The following TSPAN9 variants were observed in gnomAD, a reference collection of about 807,000 sequenced individuals.
The protein encoded by TSPAN9 is tetraspanin 9.
Under a neutral mutation model 31.0 loss-of-function variants are expected in TSPAN9, and 16 were observed. That is an observed-to-expected ratio of 0.52 (90% CI 0.35 to 0.78). TSPAN9 has a LOEUF of 0.78. Among genes scored for constraint, TSPAN9 ranks in the 30% least tolerant of loss-of-function variants. The pLI is 0.01. For synonymous variants in TSPAN9, 145 were observed against 121.6 expected (o/e 1.19, Z -1.27); for missense variants, 272 against 312.5 (o/e 0.87, Z 0.98).
intron 2 of TSPAN9, among the ~76,000 whole-genome samples, chr12:3,171,143 C>T (rs1022381476): frequency 6.6e-6 from 1 of 152,152 alleles, no homozygotes; most frequent in Non-Finnish European, 1.5e-5. Context: ...GACCTTCTGA[C>T]TTTTCTGTTT....
At chr12:3,191,218 GGGGTGGGCAAGCACCTGTACA>G (rs999495558) in intron 2 of TSPAN9, among the ~76,000 whole-genome samples, 8 of 152,210 alleles carry the variant, frequency 5.3e-5, no homozygotes, top group African/African-American at 1.7e-4. Context: ...TGAGAGGAGT[GGGGTGGGCAAGCACCTGTACA>G]GATTTTAAAC....
At chr12:3,249,690 G>T (rs538522060) in intron 3 of TSPAN9, among the ~76,000 whole-genome samples, 15 of 152,166 alleles carry the variant, frequency 9.9e-5, no homozygotes, top group Non-Finnish European at 2.1e-4. Context: ...CATATGTTTG[G>T]TTTCATCTCC....
At chr12:3,089,160 A>G (rs2098302508) in intron 2 of TSPAN9, among the ~76,000 whole-genome samples, 1 of 147,796 alleles carries the variant, frequency 6.8e-6, no homozygotes, top group African/African-American at 2.5e-5. Context: ...TGAACCTGGG[A>G]GGTGGAGCTT....
chr12:3,268,203 T>C (rs74054954), intron 3 of TSPAN9, among the ~76,000 whole-genome samples: 7,847 of 66,446 alleles, frequency 0.12, 41 homozygotes, highest in South Asian at 0.21. Flanking sequence ...GCCTGCCCTC[T>C]GTGCGTTCCT....
At chr12:3,175,114 G>A (rs1217087584) in intron 2 of TSPAN9, among the ~76,000 whole-genome samples, 1 of 129,342 alleles carries the variant, frequency 7.7e-6, no homozygotes, top group African/African-American at 2.5e-5. Context: ...CCTGCAGGGC[G>A]AGGCTGGGGG....
intron 2 of TSPAN9, among the ~76,000 whole-genome samples, chr12:3,111,653 G>T (rs1010196768): frequency 7.5e-6 from 1 of 133,526 alleles, no homozygotes; most frequent in Non-Finnish European, 1.5e-5. Context: ...TCACTCTGCC[G>T]CCCAGGCTGG....
chr12:3,203,393 G>C (rs542604707), intron 3 of TSPAN9, among the ~76,000 whole-genome samples: 2 of 152,240 alleles, frequency 1.3e-5, no homozygotes, highest in Non-Finnish European at 2.9e-5. Context: ...AGAGAAGTTA[G>C]ATCTCACACT....
intron 3 of TSPAN9, among the ~76,000 whole-genome samples, chr12:3,234,977 G>C (rs1250170750): frequency 1.3e-5 from 2 of 149,992 alleles, no homozygotes; most frequent in African/African-American, 4.9e-5. Flanking sequence ...TGGCTAACAC[G>C]GTGAAACCCC....
chr12:3,196,453 C>CT (rs1422413546), intron 2 of TSPAN9, among the ~76,000 whole-genome samples: 1 of 152,166 alleles, frequency 6.6e-6, no homozygotes, highest in Non-Finnish European at 1.5e-5. Flanking sequence ...CTTGTAGAGT[C>CT]TAAGAGAGTG....
chr12:3,264,231 C>T lies in TSPAN9; in HGVS notation c.64-14190C>T, dbSNP rs954687822. ...CTCCCCCTGTCTGAGAGGCCTGGGTCGAATGGGGCACAGGGGACCCGGGGA... is the reference window on the plus strand; with the variant it reads ...CTCCCCCTGTCTGAGAGGCCTGGGTTGAATGGGGCACAGGGGACCCGGGGA... On this transcript the variant is annotated intron_variant, in intron 3 of 8. Coordinates refer to ENST00000011898, the MANE Select transcript of TSPAN9 (RefSeq NM_006675.5). Among the ~76,000 whole-genome samples, 6 of 151,886 alleles carry T rather than the reference C, an allele frequency of 4.0e-5. No homozygotes were observed. In the East Asian group the frequency reaches 7.7e-4, roughly 20 times the overall value.
intron 2 of TSPAN9, among the ~76,000 whole-genome samples, chr12:3,113,944 C>T (rs2153965598): frequency 6.6e-6 from 1 of 152,318 alleles, no homozygotes; most frequent in Admixed American, 6.5e-5. Flanking sequence ...TAGGTTCTTC[C>T]CCTCCCAGCA....
chr12:3,226,619 C>T (rs187924063), intron 3 of TSPAN9, among the ~76,000 whole-genome samples: 1 of 145,118 alleles, frequency 6.9e-6, no homozygotes, highest in African/African-American at 2.6e-5. Context: ...GGCAACATAA[C>T]AAGACCCCAT....
chr12:3,100,754 G>A (rs2098311522), intron 2 of TSPAN9, among the ~76,000 whole-genome samples: 1 of 152,194 alleles, frequency 6.6e-6, no homozygotes, highest in Non-Finnish European at 1.5e-5. Flanking sequence ...GAACCCATAA[G>A]CAGCATGTTC....
chr12:3,157,813 C>T (rs770127487), intron 2 of TSPAN9, among the ~76,000 whole-genome samples: 4 of 152,150 alleles, frequency 2.6e-5, no homozygotes, highest in Middle Eastern at 3.2e-3. Context: ...CAGGCACCAC[C>T]GCTGTCCAGG....
chr12:3,155,350 C>T (rs1038983514), intron 2 of TSPAN9, among the ~76,000 whole-genome samples: 6 of 152,098 alleles, frequency 3.9e-5, no homozygotes, highest in Non-Finnish European at 5.9e-5. Flanking sequence ...CGGGCTGTTC[C>T]GGGAATGCTG....
intron 3 of TSPAN9, among the ~76,000 whole-genome samples, chr12:3,221,715 G>T (rs1271344352): frequency 6.6e-6 from 1 of 152,070 alleles, no homozygotes. Flanking sequence ...GAATCCAGTG[G>T]CATAATCACA....
intron 2 of TSPAN9, among the ~76,000 whole-genome samples, chr12:3,126,341 C>T (rs369267027): frequency 1.2e-4 from 19 of 152,302 alleles, no homozygotes; most frequent in African/African-American, 3.1e-4. Context: ...GTATGGCCTA[C>T]GGCACACCTA....
At chr12:3,080,689 G>C (rs2098297431) in intron 1 of TSPAN9, among the ~76,000 whole-genome samples, 1 of 152,196 alleles carries the variant, frequency 6.6e-6, no homozygotes, top group African/African-American at 2.4e-5. Context: ...CAGTTCAGTA[G>C]CATTAAGTCT....
At chr12:3,205,127 C>T (rs990980221) in intron 3 of TSPAN9, among the ~76,000 whole-genome samples, 11 of 145,458 alleles carry the variant, frequency 7.6e-5, no homozygotes, top group East Asian at 6.8e-4. Flanking sequence ...GGGGTGGGGG[C>T]GGGGCTGGGG....
Sources: allele counts gnomAD v4.1 joint callset (sites outside exome capture counted in the v4.1 genomes callset), GRCh38; gene constraint gnomAD v4.1.1; transcripts MANE v1.5; gene names NCBI Gene and HGNC (gene_info 2026-07-23, HGNC 2026-07-21).